Variants in RGS3 observed in about 807,000 individuals in gnomAD.
RGS3 encodes the protein regulator of G protein signaling 3, also known as regulator of G-protein signalling 3.
RGS3 carries 80 observed loss-of-function variants against 132.6 expected under a neutral mutation model. The ratio of observed to expected loss-of-function variants is 0.60; its 90% CI spans 0.50 to 0.73. RGS3 has a LOEUF of 0.73. Among genes scored for constraint, RGS3 ranks in the 30% least tolerant of loss-of-function variants. The probability of loss-of-function intolerance (pLI) is 0.00; values close to 1 mark genes in which losing one functional copy is unlikely to be tolerated. For synonymous variants in RGS3, 598 were observed against 620.6 expected (o/e 0.96, Z 0.54); for missense variants, 1,382 against 1,530.8 (o/e 0.90, Z 1.62).
At chr9:113,542,863 C>G (rs117960641) in intron 19 of RGS3, among the ~76,000 whole-genome samples, 3,728 of 152,326 alleles carry the variant, frequency 0.024, 66 homozygotes, top group Admixed American at 0.037. Context: ...AAACTGACTT[C>G]GCATGCTTTC....
rs1400303968 is a variant in RGS3 at position 113,507,483 on chromosome 9, T to C, written c.1282T>C (p.Cys428Arg). 1.2e-6 allele frequency: 2 copies of C among 1,613,318 alleles called. No homozygotes were observed. Among genetic ancestry groups the C allele is most frequent in the South Asian group, 2.2e-5 (2 of 90,988 alleles). ...GCAGCGCCACAGCTGCCACCTGGTA[T>C]GTGACAGCTCTGATGGGCTGCTGCT... The change falls in exon 13 of 25, where the codon TGT becomes CGT. Residue 428 changes from cysteine (C) to arginine (R), a missense_variant. By Grantham distance (180) the Cys-to-Arg change is radical. Transcript: ENST00000350696. The surrounding 1 kb of genome is among the most constrained non-coding windows in gnomAD (Gnocchi z 5.0).
Position 113,569,630 on chromosome 9 carries a change from C to CTTCT in RGS3, c.2038-13817_2038-13816insTTTC, listed in dbSNP as rs1834189548. ...CCTTCCTTCCTTCCTTCCTTCCTTC[C>CTTCT]TTCCTTCCTTCCCTCCTTCCTTCCA... On this transcript the variant is annotated intron_variant, in intron 19 of 24. Transcript: ENST00000350696. Among the ~76,000 whole-genome samples the CTTCT allele has an allele frequency of 4.0e-5, 6 of 150,388 alleles. 1 individual carries two copies. In the East Asian group the frequency reaches 1.2e-3, roughly 30 times the overall value.
chr9:113,455,893 G>A (rs1459514810), upstream of RGS3, among the ~76,000 whole-genome samples: 2 of 152,090 alleles, frequency 1.3e-5, no homozygotes, highest in Non-Finnish European at 2.9e-5. Context: ...CAAGAATATC[G>A]TCTGGCTTTG....
intron 10 of RGS3, chr9:113,501,347 A>G (rs1338970712): frequency 1.5e-5 from 19 of 1,230,714 alleles, no homozygotes; most frequent in Non-Finnish European, 1.9e-5. Flanking sequence ...TTAATATAAA[A>G]CTCTCCCTCT....
At chr9:113,560,004 G>A (rs1475008638) in intron 19 of RGS3, among the ~76,000 whole-genome samples, 2 of 152,278 alleles carry the variant, frequency 1.3e-5, no homozygotes, top group African/African-American at 4.8e-5. Context: ...CCTCCTCAGG[G>A]TCCGTTGAGG....
At chr9:113,580,824 A>C in intron 19 of RGS3, 1 of 985,706 alleles carries the variant, frequency 1.0e-6, no homozygotes, top group Non-Finnish European at 1.2e-6. Flanking sequence ...CACTTTCCCC[A>C]AGGGGTGGGC....
At chr9:113,490,601 A>G (rs1200230236) in intron 7 of RGS3, among the ~76,000 whole-genome samples, 1 of 129,066 alleles carries the variant, frequency 7.7e-6, no homozygotes. Context: ...TAAGGTAAAA[A>G]ATGCATATAT....
chr9:113,520,129 C>G (rs974608392), intron 16 of RGS3, among the ~76,000 whole-genome samples: 1 of 152,242 alleles, frequency 6.6e-6, no homozygotes, highest in African/African-American at 2.4e-5. Context: ...AACTCTGACC[C>G]TTTGGAAAAT....
rs1021788813 is a variant in RGS3 at position 113,572,149 on chromosome 9, A to C, written c.2038-11301A>C. On this transcript the variant is annotated intron_variant, in intron 19 of 24. Coordinates refer to ENST00000350696, the Ensembl canonical transcript of RGS3. Reference sequence around the variant, plus strand: ...AGACTGGCTGGAGGGAAAAGAGGAGAAACGGTGTGGTGGAGAGGTTGGCGG... The same window carrying C: ...AGACTGGCTGGAGGGAAAAGAGGAGCAACGGTGTGGTGGAGAGGTTGGCGG... 2.0e-5 allele frequency among the ~76,000 whole-genome samples: 3 copies of C among 152,056 alleles called. No individual in the cohort carries two copies. The Middle Eastern group carries it at 0.01, about 517-fold the overall frequency.
At chr9:113,512,262 G>A (rs1588180564) in intron 14 of RGS3, among the ~76,000 whole-genome samples, 1 of 152,128 alleles carries the variant, frequency 6.6e-6, no homozygotes, top group East Asian at 1.9e-4. Flanking sequence ...TAAACAAAGG[G>A]TCCAGGGCCT....
upstream of RGS3, among the ~76,000 whole-genome samples, chr9:113,456,773 T>C (rs2119151140): frequency 6.6e-6 from 1 of 152,278 alleles, no homozygotes; most frequent in Middle Eastern, 3.4e-3. Context: ...CCAATCTCCT[T>C]ATAATAAAAT....
At chr9:113,567,533 C>G (rs1834067816) in intron 19 of RGS3, among the ~76,000 whole-genome samples, 2 of 152,200 alleles carry the variant, frequency 1.3e-5, no homozygotes. Flanking sequence ...CATAGAGGGC[C>G]TGTCGGGGAG....
chr9:113,559,508 G>T (rs1364909929), intron 19 of RGS3, among the ~76,000 whole-genome samples: 1 of 152,238 alleles, frequency 6.6e-6, no homozygotes, highest in Non-Finnish European at 1.5e-5. Context: ...TTTGCTGCGT[G>T]TGGGCTTCTC....
intron 19 of RGS3, among the ~76,000 whole-genome samples, chr9:113,575,569 A>G (rs1473286963): frequency 6.6e-6 from 1 of 152,048 alleles, no homozygotes; most frequent in African/African-American, 2.4e-5. Flanking sequence ...CACTATAGAG[A>G]GGGTTCTATG....
At chr9:113,585,199 G>C (rs1835056760) in intron 20 of RGS3, among the ~76,000 whole-genome samples, 1 of 152,244 alleles carries the variant, frequency 6.6e-6, no homozygotes, top group Admixed American at 6.5e-5. Flanking sequence ...GCCTAACAGT[G>C]AACAGATTGC....
intron 9 of RGS3, among the ~76,000 whole-genome samples, chr9:113,497,659 C>G (rs7037761): frequency 0.25 from 37,490 of 152,042 alleles, 4,850 homozygotes; most frequent in Non-Finnish European, 0.28. Context: ...TAGCTCCCTC[C>G]CTTGTGGGGT....
At chr9:113,494,091 C>T (rs1830608175) in intron 7 of RGS3, among the ~76,000 whole-genome samples, 1 of 151,792 alleles carries the variant, frequency 6.6e-6, no homozygotes, top group Admixed American at 6.6e-5. Context: ...ATGAATTAGT[C>T]CAAGTTGAGG....
rs575710112 is a variant in RGS3 at position 113,537,252 on chromosome 9, A to G, written c.2037+334A>G. Among the ~76,000 whole-genome samples, 6 of 152,230 alleles carry G rather than the reference A, an allele frequency of 3.9e-5. No homozygotes were observed. The highest frequency in any genetic ancestry group is 1.2e-4 in the African/African-American group (5 of 41,458). ...TGCCTGGCATGCGTTCACCTCTGCC[A>G]TTGGGTAGCCTGTGCCTGGGGGCAG... On this transcript the variant is annotated intron_variant, in intron 19 of 24. Coordinates refer to ENST00000350696, the Ensembl canonical transcript of RGS3. This position sits in a 1 kb window ranked among gnomAD's most constrained non-coding sequence, Gnocchi z 4.3.
At chr9:113,517,787 C>G (rs866954099) in intron 16 of RGS3, among the ~76,000 whole-genome samples, 163 bp downstream of exon 14, 1 of 152,110 alleles carries the variant, frequency 6.6e-6, no homozygotes, top group Non-Finnish European at 1.5e-5. Flanking sequence ...CAAAGGCTAC[C>G]CAGCTTTTTC....
Sources: allele counts gnomAD v4.1 joint callset (sites outside exome capture counted in the v4.1 genomes callset), GRCh38; gene constraint gnomAD v4.1.1; non-coding constraint Gnocchi (gnomAD v3.1); transcripts MANE v1.5; gene names NCBI Gene and HGNC (gene_info 2026-07-23, HGNC 2026-07-21).